TACC1: variants seen among roughly 807,000 people sequenced by gnomAD.
The protein encoded by TACC1 is transforming acidic coiled-coil-containing protein 1.
A neutral mutation model predicts 84.4 loss-of-function variants in TACC1; 48 were observed. The observed-to-expected ratio is 0.57, with a 90% CI of 0.45 to 0.72. The LOEUF (loss-of-function observed/expected upper bound fraction) is 0.72, where lower values mean the gene tolerates loss of function less well. Among genes scored for constraint, TACC1 ranks in the 30% least tolerant of loss-of-function variants. The pLI is 0.00. For synonymous variants in TACC1, 372 were observed against 376.3 expected (o/e 0.99, Z 0.13); for missense variants, 920 against 973.0 (o/e 0.95, Z 0.72).
At position 38,851,828 on chromosome 8, in the gene TACC1, A is replaced by G. The variant is rs539351256; in HGVS notation, c.*3805A>G. 13 of 435,130 alleles carry G rather than the reference A, an allele frequency of 3.0e-5. No homozygotes were observed. The highest frequency in any genetic ancestry group is 4.8e-5 in the South Asian group (3 of 61,908). 27.0% of individuals were successfully genotyped at this position (435,130 alleles called of 1,614,324 possible). A position where few individuals can be genotyped will look rare whatever the true frequency, so the allele number is the denominator to read the frequency against. Reference sequence around the variant, plus strand: ...CAGATTATTTGCTTATGAAAGAACAATATAGTCTGGGAATCCCAGAATGTC... The same window carrying G: ...CAGATTATTTGCTTATGAAAGAACAGTATAGTCTGGGAATCCCAGAATGTC... On this transcript the variant is annotated 3_prime_UTR_variant, in exon 13 of 13. Coordinates refer to ENST00000317827, the MANE Select transcript of TACC1 (RefSeq NM_006283.3).
chr8:38,771,783 T>C (rs1288145884), intron 3 of TACC1, among the ~76,000 whole-genome samples: 2 of 152,208 alleles, frequency 1.3e-5, no homozygotes, highest in African/African-American at 4.8e-5. Context: ...TTGCATGGGC[T>C]GTAGTACAGT....
intron 2 of TACC1, among the ~76,000 whole-genome samples, chr8:38,800,531 C>CT (rs1313386198): frequency 6.6e-6 from 1 of 152,154 alleles, no homozygotes; most frequent in Admixed American, 6.5e-5. Context: ...TCTTGTATGA[C>CT]TGAATCAGTT....
chr8:38,821,244 T>A (rs1258703164), intron 3 of TACC1, among the ~76,000 whole-genome samples: 1 of 152,000 alleles, frequency 6.6e-6, no homozygotes, highest in Non-Finnish European at 1.5e-5. Context: ...AGGTAGAGAT[T>A]TGATGGTTTT....
chr8:38,840,140 G>GT (rs1830954867), intron 8 of TACC1, 84 bp from the exon 9 acceptor site: 1 of 974,278 alleles, frequency 1.0e-6, no homozygotes, highest in African/African-American at 1.6e-5. Context: ...ATGTTAATGT[G>GT]TTTAATTGTT....
chr8:38,780,736 T>C (rs1378027405), intron 3 of TACC1, among the ~76,000 whole-genome samples: 1 of 152,202 alleles, frequency 6.6e-6, no homozygotes, highest in Non-Finnish European at 1.5e-5. Flanking sequence ...GAATTTTGAT[T>C]GAAATCAAAT....
chr8:38,842,357 C>T lies in TACC1; in HGVS notation c.2031C>T (p.Ala677=). 6.2e-7 allele frequency: 1 copy of T among 1,614,174 alleles called. No homozygotes were observed. Among genetic ancestry groups the T allele is most frequent in the Non-Finnish European group, 8.5e-7 (1 of 1,180,026 alleles). Residue 677 remains alanine (A), a synonymous_variant, in exon 10 of 13, where the codon GCC becomes GCT. Coordinates refer to ENST00000317827, the MANE Select transcript of TACC1 (RefSeq NM_006283.3). The part of the protein sequence containing the change: ...FQQLTMEKEQ[A]LADLNSVERS... ...AACTGACCATGGAGAAGGAACAGGC[C>T]CTGGCTGACCTTAACTCTGTGGAAA...
intron 1 of TACC1, among the ~76,000 whole-genome samples, chr8:38,735,616 G>A (rs1309809094): frequency 6.6e-6 from 1 of 152,134 alleles, no homozygotes; most frequent in African/African-American, 2.4e-5. Context: ...CCTGCACTCA[G>A]CTCTCTCCCC....
chr8:38,762,552 CT>C (rs910914782), intron 3 of TACC1, among the ~76,000 whole-genome samples: 21 of 147,442 alleles, frequency 1.4e-4, no homozygotes, highest in East Asian at 7.9e-4. Flanking sequence ...CACCTTTTGG[CT>C]TTTTTTTTTG....
intron 2 of TACC1, among the ~76,000 whole-genome samples, chr8:38,808,990 G>A (rs552519334): frequency 5.1e-4 from 78 of 152,022 alleles, no homozygotes; most frequent in African/African-American, 1.9e-3. Context: ...GTATAGGGCT[G>A]GGCAAGTTTA....
Position 38,819,775 on chromosome 8 carries a change from A to T in TACC1, c.531A>T (p.Ala177=), listed in dbSNP as rs774235993. The T allele has an allele frequency of 7.4e-6, 12 of 1,613,870 alleles. No individual in the cohort carries two copies. The African/African-American group carries it at 1.6e-4, about 22-fold the overall frequency. Residue 177 remains alanine (A), a synonymous_variant, in exon 3 of 13, where the codon GCA becomes GCT. Coordinates refer to ENST00000317827, the MANE Select transcript of TACC1 (RefSeq NM_006283.3). ...AAGCAGCTCATGGCTGTGTAACTGCAGTCTCAGGCAAGGCTCTGCCTTCCA... is the reference window on the plus strand; with the variant it reads ...AAGCAGCTCATGGCTGTGTAACTGCTGTCTCAGGCAAGGCTCTGCCTTCCA... ...GTKAAHGCVT[A]VSGKALPSSP... is the part of the protein sequence containing the mutation.
intron 1 of TACC1, among the ~76,000 whole-genome samples, chr8:38,738,384 T>C (rs1193234202): frequency 6.6e-6 from 1 of 151,956 alleles, no homozygotes; most frequent in African/African-American, 2.4e-5. Context: ...GCTGGAATTA[T>C]AGGTGTGAGC....
chr8:38,782,577 C>T (rs1816249540), upstream of TACC1, among the ~76,000 whole-genome samples: 1 of 152,112 alleles, frequency 6.6e-6, no homozygotes, highest in Non-Finnish European at 1.5e-5. Flanking sequence ...TTTTTAATGC[C>T]TAGTCTGCTC....
At chr8:38,823,861 T>C in intron 3 of TACC1, 1 of 577,484 alleles carries the variant, frequency 1.7e-6, no homozygotes, top group Non-Finnish European at 3.0e-6. Flanking sequence ...TTAATTTGTA[T>C]CTCACCTCAT....
At chr8:38,811,728 C>T (rs540530029) in intron 2 of TACC1, among the ~76,000 whole-genome samples, 1 of 152,248 alleles carries the variant, frequency 6.6e-6, no homozygotes, top group South Asian at 2.1e-4. Flanking sequence ...GATTGTGAAG[C>T]ATGTGTGTTT....
At chr8:38,747,432 T>C (rs1047852711) in intron 3 of TACC1, among the ~76,000 whole-genome samples, 2 of 152,216 alleles carry the variant, frequency 1.3e-5, no homozygotes, top group African/African-American at 2.4e-5. Context: ...TATTCATAAT[T>C]GCCAAAAGCT....
At chr8:38,757,980 A>C (rs1394918786) in intron 3 of TACC1, among the ~76,000 whole-genome samples, 2 of 152,218 alleles carry the variant, frequency 1.3e-5, no homozygotes, top group Non-Finnish European at 2.9e-5. Context: ...GACACCAAGT[A>C]CTGTAATGAA....
chr8:38,740,908 GC>G (rs1414638002), intron 1 of TACC1, among the ~76,000 whole-genome samples: 1 of 152,248 alleles, frequency 6.6e-6, no homozygotes, highest in East Asian at 1.9e-4. Context: ...TATTTAACTT[GC>G]TTAAGGTTAA....
Position 38,840,620 on chromosome 8 carries a change from C to A in TACC1, c.1960+353C>A, listed in dbSNP as rs1432592076. 10 of 179,280 alleles carry A rather than the reference C, an allele frequency of 5.6e-5. No individual in the cohort carries two copies. The East Asian group carries it at 1.2e-3, about 21-fold the overall frequency. 11.1% of individuals were successfully genotyped at this position (179,280 alleles called of 1,614,324 possible). A position where few individuals can be genotyped will look rare whatever the true frequency, so the allele number is the denominator to read the frequency against. On this transcript the variant is annotated intron_variant, in intron 9 of 12. Coordinates refer to ENST00000317827, the MANE Select transcript of TACC1 (RefSeq NM_006283.3). ...TTGGGGGGTGGCATAAACTATAAGACCATAGCCGGATCCATTTATGATTTT... is the reference window on the plus strand; with the variant it reads ...TTGGGGGGTGGCATAAACTATAAGAACATAGCCGGATCCATTTATGATTTT...
intron 3 of TACC1, among the ~76,000 whole-genome samples, chr8:38,751,935 T>A (rs1304301714): frequency 6.6e-6 from 1 of 152,190 alleles, no homozygotes; most frequent in Non-Finnish European, 1.5e-5. Context: ...AAAAGTGCTC[T>A]ATAAGTATTA....
Sources: allele counts gnomAD v4.1 joint callset (sites outside exome capture counted in the v4.1 genomes callset), GRCh38; gene constraint gnomAD v4.1.1; transcripts MANE v1.5; gene names NCBI Gene and HGNC (gene_info 2026-07-23, HGNC 2026-07-21).